Variants in TMC7 observed in about 807,000 individuals in gnomAD.
TMC7 encodes the protein transmembrane channel like 7.
In TMC7, 54 loss-of-function variants were observed where a neutral mutation model predicts 82.9. The observed-to-expected ratio is 0.65, with a 90% CI of 0.52 to 0.82. The LOEUF (loss-of-function observed/expected upper bound fraction) is 0.82, where lower values mean the gene tolerates loss of function less well. TMC7 is among the 40% of genes least tolerant of loss of function. TMC7 has a pLI of 0.00. For missense variants in TMC7, 820 were observed against 901.2 expected (o/e 0.91, Z 1.15); for synonymous variants, 350 against 337.9 (o/e 1.04, Z -0.39).
At chr16:19,010,444 G>A (rs59837129) in intron 2 of TMC7, among the ~76,000 whole-genome samples, 2,997 of 152,172 alleles carry the variant, frequency 0.02, 103 homozygotes, top group African/African-American at 0.068. Flanking sequence ...ATGAGCTACC[G>A]TGCCTGGCAG....
In TMC7 at chr16:19,040,390, G is replaced by T; in HGVS notation, c.1281G>T (p.Lys427Asn). 1.9e-6 allele frequency: 3 copies of T among 1,613,776 alleles called. No homozygotes were observed. The highest frequency in any genetic ancestry group is 2.5e-6 in the Non-Finnish European group (3 of 1,180,028). Residue 427 changes from lysine (K) to asparagine (N), a missense_variant, in exon 9 of 16, where the codon AAG becomes AAT. By Grantham distance (94) the Lys-to-Asn change is moderately conservative. Transcript: ENST00000304381. Reference sequence around the variant, plus strand: ...TTATCACCCCAATGATCTTTGCCAAGATCATCCGCTATGAGGATTATTCTC... The same window carrying T: ...TTATCACCCCAATGATCTTTGCCAATATCATCCGCTATGAGGATTATTCTC... ...ANFITPMIFA[K>N]IIRYEDYSPG... is the part of the protein sequence containing the mutation.
At chr16:19,013,973 C>T (rs1255486363) in intron 2 of TMC7, among the ~76,000 whole-genome samples, 3 of 151,282 alleles carry the variant, frequency 2.0e-5, no homozygotes, top group Non-Finnish European at 4.4e-5. Context: ...TCTGCCTCAG[C>T]CTCCCAAGTA....
intron 5 of TMC7, among the ~76,000 whole-genome samples, chr16:19,029,971 C>A (rs993206416): frequency 1.3e-5 from 2 of 152,186 alleles, no homozygotes. Flanking sequence ...CCGCTTTGGC[C>A]TCCCAAAGGG....
chr16:19,056,348 A>G (rs1486585629), intron 13 of TMC7, among the ~76,000 whole-genome samples, 194 bp from the exon 14 acceptor site: 5 of 152,038 alleles, frequency 3.3e-5, no homozygotes, highest in Non-Finnish European at 5.9e-5. Flanking sequence ...GGCCTCCCAA[A>G]GTGCTGGGAT....
intron 4 of TMC7, 80 bp from the exon 5 acceptor site, chr16:19,023,033 A>C (rs1347920394): frequency 4.6e-6 from 4 of 862,270 alleles, no homozygotes; most frequent in Non-Finnish European, 7.4e-6. Context: ...ACAAACAAAC[A>C]AACAAACAAA....
At chr16:19,060,607 A>T (rs993350959) in intron 15 of TMC7, among the ~76,000 whole-genome samples, 9 of 152,076 alleles carry the variant, frequency 5.9e-5, no homozygotes, top group African/African-American at 2.2e-4. Flanking sequence ...TGAGCCAGGC[A>T]CTTCAGGGGG....
rs955639174 is a variant in TMC7 at position 19,016,212 on chromosome 16, C to T, written c.312-238C>T. The stretch of plus-strand genomic sequence containing the variant: ...CCCAGAGGTTCTTCTGCCTCAGCCT[C>T]GTGGAGTAGCTGGGATTACAGGCGC... On this transcript the variant is annotated intron_variant, in intron 2 of 15. Coordinates refer to ENST00000304381, the MANE Select transcript of TMC7 (RefSeq NM_024847.4). 5.3e-5 allele frequency among the ~76,000 whole-genome samples: 8 copies of T among 151,962 alleles called. No individual in the cohort carries two copies. In the East Asian group the frequency reaches 1.6e-3, roughly 29 times the overall value.
chr16:19,007,446 C>T (rs1406786079), intron 1 of TMC7, among the ~76,000 whole-genome samples: 1 of 152,174 alleles, frequency 6.6e-6, no homozygotes, highest in African/African-American at 2.4e-5. Context: ...CGAAACCGCC[C>T]ACCAGGTTCT....
intron 2 of TMC7, among the ~76,000 whole-genome samples, chr16:19,013,339 C>T (rs1959486543): frequency 6.6e-6 from 1 of 151,900 alleles, no homozygotes; most frequent in South Asian, 2.1e-4. Context: ...CTGCCTCAGC[C>T]TCCCTAGTAG....
intron 5 of TMC7, among the ~76,000 whole-genome samples, chr16:19,023,458 T>C (rs975913168): frequency 2.6e-5 from 4 of 152,146 alleles, no homozygotes; most frequent in Non-Finnish European, 5.9e-5. Context: ...ATTATTATTA[T>C]TTTTTTGAGA....
At chr16:19,057,968 A>G (rs1439253649) in intron 14 of TMC7, among the ~76,000 whole-genome samples, 1 of 147,742 alleles carries the variant, frequency 6.8e-6, no homozygotes, top group East Asian at 2.0e-4. Context: ...TTTTTAGGAG[A>G]CAGTGTCTTG....
intron 7 of TMC7, among the ~76,000 whole-genome samples, chr16:19,037,472 CT>C (rs57300199): frequency 0.016 from 2,139 of 130,246 alleles, 53 homozygotes; most frequent in African/African-American, 0.056. Context: ...TAAAAGATGT[CT>C]TTTTTTTTTT....
At chr16:19,017,052 G>A (rs372239707) in intron 3 of TMC7, among the ~76,000 whole-genome samples, 3 of 152,122 alleles carry the variant, frequency 2.0e-5, no homozygotes, top group East Asian at 3.9e-4. Context: ...GGGCATGGTA[G>A]TGCATGCCTG....
intron 2 of TMC7, among the ~76,000 whole-genome samples, chr16:19,012,436 C>T (rs2142181368): frequency 6.6e-6 from 1 of 152,184 alleles, no homozygotes; most frequent in Admixed American, 6.6e-5. Flanking sequence ...AAAAATGAAA[C>T]TAACAGACTC....
chr16:19,036,615 C>T (rs1369589368), intron 7 of TMC7, among the ~76,000 whole-genome samples: 1 of 151,874 alleles, frequency 6.6e-6, no homozygotes, highest in Admixed American at 6.6e-5. Flanking sequence ...ACTTGGGAGT[C>T]TGAGGCAAGA....
chr16:19,030,339 T>A lies in TMC7; in HGVS notation c.827T>A (p.Leu276Gln). Residue 276 changes from leucine to glutamine, a missense_variant, in exon 6 of 16, where the codon CTG (leucine) becomes CAG (glutamine). Transcript: ENST00000304381. ...LAYLLSTIAS[L>Q]ALSLLWIVKR... ...TATTTGTTAAGCACAATCGCCTCCCTGGCCCTGAGCCTTCTTTGGATAGTG... is the reference window on the plus strand; with the variant it reads ...TATTTGTTAAGCACAATCGCCTCCCAGGCCCTGAGCCTTCTTTGGATAGTG... The A allele has an allele frequency of 6.2e-7, 1 of 1,613,154 alleles. No individual in the cohort carries two copies. Among genetic ancestry groups the A allele is most frequent in the South Asian group, 1.1e-5 (1 of 90,880 alleles).
intron 3 of TMC7, among the ~76,000 whole-genome samples, chr16:19,020,880 A>ATAAG (rs1959938016): frequency 6.6e-6 from 1 of 151,426 alleles, no homozygotes; most frequent in Non-Finnish European, 1.5e-5. Flanking sequence ...AAATAAATAA[A>ATAAG]TAAATAAATA....
At chr16:19,052,725 T>C (rs1406780264) in intron 13 of TMC7, among the ~76,000 whole-genome samples, 1 of 152,210 alleles carries the variant, frequency 6.6e-6, no homozygotes, top group African/African-American at 2.4e-5. Context: ...TGTTCTTTTT[T>C]TTTATGAGAC....
chr16:19,021,847 AC>A (rs1567513831), intron 4 of TMC7, 51 bp downstream of exon 4: 2 of 1,577,654 alleles, frequency 1.3e-6, no homozygotes, highest in East Asian at 2.2e-5. Context: ...TTCACCATGT[AC>A]CTTGCTACAA....
Sources: allele counts gnomAD v4.1 joint callset (sites outside exome capture counted in the v4.1 genomes callset), GRCh38; gene constraint gnomAD v4.1.1; transcripts MANE v1.5; gene names NCBI Gene and HGNC (gene_info 2026-07-23, HGNC 2026-07-21).